CFAP299: variants seen among roughly 807,000 people sequenced by gnomAD.
CFAP299 encodes the protein cilia and flagella associated protein 299, also known as cilia- and flagella-associated protein 299.
Under a neutral mutation model 27.0 loss-of-function variants are expected in CFAP299, and 21 were observed. That is an observed-to-expected ratio of 0.78 (90% CI 0.55 to 1.12). The LOEUF (loss-of-function observed/expected upper bound fraction) is 1.12, where lower values mean the gene tolerates loss of function less well. Among genes scored for constraint, CFAP299 ranks in the 50% most tolerant of loss-of-function variants. The probability of loss-of-function intolerance (pLI) is 0.00; values close to 1 mark genes in which losing one functional copy is unlikely to be tolerated. For missense variants in CFAP299, 310 were observed against 276.6 expected, an observed-to-expected ratio of 1.12 and a Z score of -0.86; for synonymous variants, 104 against 98.1, an observed-to-expected ratio of 1.06 and a Z score of -0.36.
chr4:80,410,497 A>C lies in CFAP299; in HGVS notation c.242+47613A>C, dbSNP rs189709407. Among the ~76,000 whole-genome samples, 548 of 152,306 alleles carry C rather than the reference A, an allele frequency of 3.6e-3. 3 individuals carry two copies. Among genetic ancestry groups the C allele is most frequent in the African/African-American group, 0.012 (516 of 41,572 alleles). On this transcript the variant is annotated intron_variant, in intron 2 of 5. Transcript: ENST00000358105. ...AAGGATAGAAGCTAGAATTCAGCAG[A>C]AGCAGAGATCAAAGGGTATTTCCAT...
chr4:80,881,130 A>C (rs1733682674), intron 4 of CFAP299, among the ~76,000 whole-genome samples: 1 of 152,192 alleles, frequency 6.6e-6, no homozygotes, highest in Admixed American at 6.5e-5. Flanking sequence ...AGGGAATTCT[A>C]TTGCAGGCAT....
intron 3 of CFAP299, among the ~76,000 whole-genome samples, chr4:80,824,321 G>A (rs1205056668): frequency 6.6e-6 from 1 of 152,140 alleles, no homozygotes; most frequent in African/African-American, 2.4e-5. Flanking sequence ...CAAATTGCAG[G>A]TAGCTGTGCA....
chr4:80,916,295 A>ATATATATATATATATATT (rs1405206483), intron 4 of CFAP299, among the ~76,000 whole-genome samples: 8 of 125,580 alleles, frequency 6.4e-5, no homozygotes, highest in African/African-American at 2.5e-4. Flanking sequence ...ATATATATAT[A>ATATATATATATATATATT]TTTCAGGTAC....
Position 80,939,418 on chromosome 4 carries a change from T to A in CFAP299, c.477-5392T>A, listed in dbSNP as rs181422886. Among the ~76,000 whole-genome samples, 5 of 152,280 alleles carry A rather than the reference T, an allele frequency of 3.3e-5. No individual in the cohort carries two copies. The East Asian group carries it at 9.7e-4, about 29-fold the overall frequency. ...TAATTTCAAATGATCTGTCTTTGAGTTTGCTGATTCTTTCTTCTGTTTGAT... is the reference window on the plus strand; with the variant it reads ...TAATTTCAAATGATCTGTCTTTGAGATTGCTGATTCTTTCTTCTGTTTGAT... On this transcript the variant is annotated intron_variant, in intron 4 of 5. Coordinates refer to ENST00000358105, the MANE Select transcript of CFAP299 (RefSeq NM_152770.3).
chr4:80,368,185 A>G (rs1233361558), intron 2 of CFAP299, among the ~76,000 whole-genome samples: 1 of 152,204 alleles, frequency 6.6e-6, no homozygotes, highest in Non-Finnish European at 1.5e-5. Context: ...AGCTATTGCC[A>G]TCTTCTTGGA....
chr4:80,667,624 C>T (rs1348551344), intron 3 of CFAP299, among the ~76,000 whole-genome samples: 1 of 152,058 alleles, frequency 6.6e-6, no homozygotes, highest in Admixed American at 6.6e-5. Context: ...TCATGACTTC[C>T]AGTTCTATCC....
At chr4:80,404,662 A>G (rs1726324557) in intron 2 of CFAP299, among the ~76,000 whole-genome samples, 1 of 152,126 alleles carries the variant, frequency 6.6e-6, no homozygotes. Flanking sequence ...TATATACTAC[A>G]TTTTGTTTAT....
At chr4:80,326,378 G>A in the CFAP299 span, among the ~76,000 whole-genome samples, 1 of 152,152 alleles carries the variant, frequency 6.6e-6, no homozygotes, top group Non-Finnish European at 1.5e-5. Context: ...TAGTGTAATA[G>A]GTAAGAGCTG....
chr4:80,810,196 T>G (rs1729073898), intron 3 of CFAP299, among the ~76,000 whole-genome samples: 1 of 152,058 alleles, frequency 6.6e-6, no homozygotes, highest in African/African-American at 2.4e-5. Flanking sequence ...TTTTTGAATT[T>G]CTGTATTTTT....
intron 3 of CFAP299, among the ~76,000 whole-genome samples, chr4:80,807,807 T>C (rs1728942468): frequency 6.6e-6 from 1 of 152,156 alleles, no homozygotes; most frequent in East Asian, 1.9e-4. Context: ...CTAAAGTATT[T>C]CTGTTTATTA....
intron 3 of CFAP299, among the ~76,000 whole-genome samples, chr4:80,756,241 G>C (rs1034750693): frequency 2.0e-5 from 3 of 152,012 alleles, no homozygotes; most frequent in African/African-American, 7.2e-5. Context: ...AGGATGTATG[G>C]TTTAGATGTT....
chr4:80,886,809 A>G (rs2110181701), intron 4 of CFAP299, among the ~76,000 whole-genome samples: 1 of 152,264 alleles, frequency 6.6e-6, no homozygotes, highest in Non-Finnish European at 1.5e-5. Flanking sequence ...TGTTAGGAGA[A>G]AACTCGAAGA....
chr4:80,575,720 TCA>T (rs1735820097), intron 2 of CFAP299, among the ~76,000 whole-genome samples: 1 of 152,128 alleles, frequency 6.6e-6, no homozygotes, highest in Admixed American at 6.6e-5. Context: ...TAAAGATGCA[TCA>T]TTAAGTTGTT....
chr4:80,899,031 G>C (rs1418590407), intron 4 of CFAP299, among the ~76,000 whole-genome samples: 1 of 152,182 alleles, frequency 6.6e-6, no homozygotes, highest in Non-Finnish European at 1.5e-5. Flanking sequence ...CAAGATGTCT[G>C]GAGCCAAACT....
At chr4:80,933,125 CTTCTTTCTTT>C (rs1736705214) in intron 4 of CFAP299, among the ~76,000 whole-genome samples, 1 of 151,750 alleles carries the variant, frequency 6.6e-6, no homozygotes, top group African/African-American at 2.4e-5. Flanking sequence ...TCTTTCCTTC[CTTCTTTCTTT>C]TTCTTTCTTT....
At chr4:80,546,834 A>G (rs1734253126) in intron 2 of CFAP299, among the ~76,000 whole-genome samples, 1 of 152,176 alleles carries the variant, frequency 6.6e-6, no homozygotes, top group Non-Finnish European at 1.5e-5. Flanking sequence ...CCTGCAGAAC[A>G]TGAGTCAATT....
rs533004941 is a variant in CFAP299, at chr4:80,412,031, C to G, written c.242+49147C>G. Among the ~76,000 whole-genome samples, 14 of 152,154 alleles carry G rather than the reference C, an allele frequency of 9.2e-5. No homozygotes were observed. In the East Asian group the frequency reaches 2.7e-3, roughly 29 times the overall value. On this transcript the variant is annotated intron_variant, in intron 2 of 5. Coordinates refer to ENST00000358105, the MANE Select transcript of CFAP299 (RefSeq NM_152770.3). ...ATGAACTAGGGGCTTGCATTAGGTC[C>G]CTTTTATGGAATAAGAAAGTGACTC... is the stretch of plus-strand genomic sequence containing the variant.
At chr4:80,603,559 A>C (rs1737481392) in intron 3 of CFAP299, among the ~76,000 whole-genome samples, 1 of 152,228 alleles carries the variant, frequency 6.6e-6, no homozygotes, top group African/African-American at 2.4e-5. Flanking sequence ...CAATAGGTAG[A>C]ATAATATGTA....
At chr4:80,929,415 A>C (rs115875866) in intron 4 of CFAP299, among the ~76,000 whole-genome samples, 4,572 of 146,888 alleles carry the variant, frequency 0.031, 240 homozygotes, top group African/African-American at 0.11. Context: ...ACCACTATCC[A>C]TCCAGTCTCT....
Sources: allele counts gnomAD v4.1 joint callset (sites outside exome capture counted in the v4.1 genomes callset), GRCh38; gene constraint gnomAD v4.1.1; transcripts MANE v1.5; gene names NCBI Gene and HGNC (gene_info 2026-07-23, HGNC 2026-07-21).